Variants in BMPR1A observed in about 807,000 individuals in gnomAD.
BMPR1A encodes the protein bone morphogenetic protein receptor type 1A.
BMPR1A carries 7 observed loss-of-function variants against 66.0 expected under a neutral mutation model. That is an observed-to-expected ratio of 0.11 (90% CI 0.06 to 0.20). The LOEUF is 0.20. Ranked by LOEUF, BMPR1A falls within the 10% of genes least tolerant of loss-of-function variation. The probability of loss-of-function intolerance (pLI) is 1.00; values close to 1 mark genes in which losing one functional copy is unlikely to be tolerated. For synonymous variants in BMPR1A, 200 were observed against 229.7 expected (o/e 0.87, Z 1.17); for missense variants, 408 against 669.1 (o/e 0.61, Z 4.31).
At chr10:86,801,165 G>C (rs1841806260) in intron 1 of BMPR1A, among the ~76,000 whole-genome samples, 1 of 151,994 alleles carries the variant, frequency 6.6e-6, no homozygotes, top group Non-Finnish European at 1.5e-5. Flanking sequence ...TTTGAGACAG[G>C]GTCTCATTCT....
At chr10:86,902,349 G>A (rs1377639351) in intron 7 of BMPR1A, among the ~76,000 whole-genome samples, 1 of 151,306 alleles carries the variant, frequency 6.6e-6, no homozygotes, top group Non-Finnish European at 1.5e-5. Flanking sequence ...TGTAATATGA[G>A]CTACCTATAC....
intron 1 of BMPR1A, among the ~76,000 whole-genome samples, chr10:86,759,355 G>A (rs1488090785): frequency 2.0e-5 from 3 of 152,168 alleles, no homozygotes; most frequent in Non-Finnish European, 4.4e-5. Flanking sequence ...AGACCTTTCT[G>A]TTGGAATAAT....
chr10:86,931,580 T>C (rs983596237), downstream of BMPR1A: 1 of 152,130 alleles, frequency 6.6e-6, no homozygotes, highest in Admixed American at 6.5e-5. Context: ...CAGCTGGAGA[T>C]AGAATCTAAC....
chr10:86,800,459 T>G (rs1841796220), intron 1 of BMPR1A, among the ~76,000 whole-genome samples: 1 of 152,172 alleles, frequency 6.6e-6, no homozygotes, highest in Non-Finnish European at 1.5e-5. Flanking sequence ...CAATGTGAAA[T>G]CGGCTCACCG....
intron 3 of BMPR1A, among the ~76,000 whole-genome samples, chr10:86,880,538 C>T (rs533395968): frequency 2.8e-3 from 420 of 152,316 alleles, no homozygotes; most frequent in Non-Finnish European, 4.4e-3. Context: ...AAAACAGTGG[C>T]TACCACCGTG....
At chr10:86,795,530 A>C (rs1224356505) in intron 1 of BMPR1A, among the ~76,000 whole-genome samples, 2 of 152,122 alleles carry the variant, frequency 1.3e-5, no homozygotes, top group Non-Finnish European at 2.9e-5. Flanking sequence ...GAAGGAGAGA[A>C]GGAAAAGAGA....
Position 86,860,841 on chromosome 10 carries a change from CT to C in BMPR1A, c.-152-15008del, listed in dbSNP as rs1219747565. ...GTCAAATCCATTTCATGCCATAGAA[CT>C]TTTTTTTTTTTTTTTTTGAGGCGGA... is the stretch of plus-strand genomic sequence containing the variant. On this transcript the variant is annotated intron_variant, in intron 2 of 12. Transcript: ENST00000372037. Among the ~76,000 whole-genome samples the C allele has an allele frequency of 8.8e-3, 1,189 of 135,048 alleles. 7 individuals are homozygous for C. Among genetic ancestry groups the C allele is most frequent in the East Asian group, 0.071 (325 of 4,584 alleles). 88.6% of individuals were successfully genotyped at this position (135,048 alleles called of 152,430 possible).
chr10:86,859,382 T>C (rs1424649172), intron 2 of BMPR1A, among the ~76,000 whole-genome samples: 1 of 152,012 alleles, frequency 6.6e-6, no homozygotes, highest in Non-Finnish European at 1.5e-5. Flanking sequence ...TTGCCCAGGC[T>C]GGTCTCAAAC....
At chr10:86,831,584 T>C (rs1842268134) in intron 1 of BMPR1A, among the ~76,000 whole-genome samples, 1 of 152,008 alleles carries the variant, frequency 6.6e-6, no homozygotes, top group African/African-American at 2.4e-5. Flanking sequence ...AGAGAGACCT[T>C]ATTTCTACAA....
At chr10:86,865,334 T>TCC (rs1327561853) in intron 2 of BMPR1A, among the ~76,000 whole-genome samples, 1 of 152,120 alleles carries the variant, frequency 6.6e-6, no homozygotes, top group African/African-American at 2.4e-5. Context: ...GTGATGACAT[T>TCC]ACCTTGTGAA....
At chr10:86,850,347 A>G (rs1842550883) in intron 2 of BMPR1A, among the ~76,000 whole-genome samples, 1 of 152,066 alleles carries the variant, frequency 6.6e-6, no homozygotes, top group Admixed American at 6.6e-5. Flanking sequence ...TCATTGCTCA[A>G]TAAGTGAATA....
At chr10:86,861,057 G>T (rs1347228215) in intron 2 of BMPR1A, among the ~76,000 whole-genome samples, 1 of 151,912 alleles carries the variant, frequency 6.6e-6, no homozygotes, top group Non-Finnish European at 1.5e-5. Context: ...TAGCCAGGAT[G>T]GTCTCAATCT....
intron 2 of BMPR1A, among the ~76,000 whole-genome samples, chr10:86,844,096 G>A (rs952231397): frequency 3.3e-5 from 5 of 152,136 alleles, no homozygotes; most frequent in African/African-American, 1.2e-4. Context: ...TTTTCTAAAT[G>A]TAGAGAAACA....
intron 1 of BMPR1A, among the ~76,000 whole-genome samples, chr10:86,760,340 G>A (rs1841029956): frequency 7.2e-6 from 1 of 138,680 alleles, no homozygotes; most frequent in South Asian, 2.3e-4. Flanking sequence ...TGCAACCTCT[G>A]CCTCCTGGGT....
chr10:86,893,512 G>A (rs1404354696), intron 5 of BMPR1A, among the ~76,000 whole-genome samples: 1 of 152,104 alleles, frequency 6.6e-6, no homozygotes, highest in Non-Finnish European at 1.5e-5. Context: ...GATGGAGGCC[G>A]GGCGCGGTGG....
intron 1 of BMPR1A, among the ~76,000 whole-genome samples, chr10:86,779,227 G>C (rs1841399788): frequency 6.6e-6 from 1 of 152,180 alleles, no homozygotes; most frequent in African/African-American, 2.4e-5. Context: ...TCAACAGAAT[G>C]ATTTCCTTTC....
chr10:86,894,674 G>T (rs1248643865), intron 5 of BMPR1A, among the ~76,000 whole-genome samples: 1 of 152,160 alleles, frequency 6.6e-6, no homozygotes, highest in Non-Finnish European at 1.5e-5. Flanking sequence ...CGGACAAGGT[G>T]CTCTGCTCTC....
Position 86,757,886 on chromosome 10 carries a change from C to A in BMPR1A, c.-268+967C>A, listed in dbSNP as rs374976249. On this transcript the variant is annotated intron_variant, in intron 1 of 12. Transcript: ENST00000372037. ...CAAACGAATTAGGAAGAAAAAAAACCAAAACTGTTTGCAAACACTTTTACG... is the reference window on the plus strand; with the variant it reads ...CAAACGAATTAGGAAGAAAAAAAACAAAAACTGTTTGCAAACACTTTTACG... Among the ~76,000 whole-genome samples, 4 of 152,218 alleles carry A rather than the reference C, an allele frequency of 2.6e-5. No individual in the cohort carries two copies. In the East Asian group the frequency reaches 7.7e-4, roughly 29 times the overall value.
At chr10:86,797,299 CG>C (rs1222893147) in intron 1 of BMPR1A, among the ~76,000 whole-genome samples, 1 of 145,982 alleles carries the variant, frequency 6.9e-6, no homozygotes, top group African/African-American at 2.5e-5. Flanking sequence ...GGCCCAATCT[CG>C]GTTCACTGCA....
Sources: gnomAD v4.1 joint callset for allele counts (sites outside exome capture counted in the v4.1 genomes callset) on GRCh38, gnomAD v4.1.1 for gene constraint, MANE v1.5 for transcripts, NCBI Gene and HGNC (gene_info 2026-07-23, HGNC 2026-07-21) for gene names.